The following HS6ST3 variants were observed in gnomAD, a reference collection of about 807,000 sequenced individuals.
The protein encoded by HS6ST3 is heparan sulfate 6-O-sulfotransferase 3.
A neutral mutation model predicts 36.7 loss-of-function variants in HS6ST3; 12 were observed. The observed-to-expected ratio is 0.33, with a 90% CI of 0.21 to 0.53. HS6ST3 has a LOEUF of 0.53. HS6ST3 is among the 20% of genes least tolerant of loss of function. HS6ST3 has a pLI of 0.95. For missense variants in HS6ST3, 584 were observed against 640.9 expected (o/e 0.91, Z 0.96); for synonymous variants, 240 against 257.5 (o/e 0.93, Z 0.65).
At chr13:96,696,257 T>G (rs1875124930) in intron 1 of HS6ST3, among the ~76,000 whole-genome samples, 1 of 152,164 alleles carries the variant, frequency 6.6e-6, no homozygotes, top group South Asian at 2.1e-4. Flanking sequence ...CAAGGGTGTC[T>G]TGGCTCTGCC....
intron 1 of HS6ST3, among the ~76,000 whole-genome samples, chr13:96,550,260 G>T (rs554184955): frequency 2.2e-4 from 33 of 152,088 alleles, no homozygotes; most frequent in African/African-American, 7.5e-4. Flanking sequence ...CTGTCAGTTC[G>T]TGGGAGCTGG....
At chr13:96,633,399 G>A (rs777558432) in intron 1 of HS6ST3, among the ~76,000 whole-genome samples, 1 of 152,168 alleles carries the variant, frequency 6.6e-6, no homozygotes, top group Non-Finnish European at 1.5e-5. Context: ...CTGATTAAGT[G>A]AATGCAGTAT....
At chr13:96,563,305 ATAAACT>A (rs943430965) in intron 1 of HS6ST3, among the ~76,000 whole-genome samples, 18 of 152,156 alleles carry the variant, frequency 1.2e-4, no homozygotes, top group African/African-American at 4.1e-4. Context: ...AAGGAGAGAA[ATAAACT>A]TAAAAAGAAA....
At chr13:96,613,091 T>G (rs540533600) in intron 1 of HS6ST3, among the ~76,000 whole-genome samples, 28 of 152,316 alleles carry the variant, frequency 1.8e-4, no homozygotes, top group Non-Finnish European at 3.5e-4. Context: ...ATAAATGATC[T>G]CCACACTCCA....
intron 1 of HS6ST3, among the ~76,000 whole-genome samples, chr13:96,198,662 G>T (rs978571017): frequency 2.0e-5 from 3 of 152,142 alleles, no homozygotes; most frequent in Admixed American, 6.5e-5. Flanking sequence ...CACCTTTACT[G>T]CAGTTCCCAA....
chr13:96,312,876 T>TG (rs762197300), intron 1 of HS6ST3, among the ~76,000 whole-genome samples: 1 of 135,598 alleles, frequency 7.4e-6, no homozygotes, highest in Non-Finnish European at 1.5e-5. Context: ...CGCTTGAACT[T>TG]GGGGGGCGGA....
chr13:96,726,987 CA>C (rs1876022142), intron 1 of HS6ST3, among the ~76,000 whole-genome samples: 1 of 152,140 alleles, frequency 6.6e-6, no homozygotes, highest in Non-Finnish European at 1.5e-5. Flanking sequence ...TGATATTAGG[CA>C]AGTTATCTAA....
At chr13:96,560,490 T>G (rs934764166) in intron 1 of HS6ST3, among the ~76,000 whole-genome samples, 2 of 152,046 alleles carry the variant, frequency 1.3e-5, no homozygotes, top group African/African-American at 4.8e-5. Flanking sequence ...CTCTCACCAT[T>G]CCTATTCAAC....
At chr13:96,724,993 A>G (rs1044871796) in intron 1 of HS6ST3, among the ~76,000 whole-genome samples, 32 of 152,292 alleles carry the variant, frequency 2.1e-4, no homozygotes, top group African/African-American at 7.7e-4. Flanking sequence ...CCAGCAGCAT[A>G]TGAGAGTTCC....
chr13:96,128,267 C>T (rs1269509654), intron 1 of HS6ST3, among the ~76,000 whole-genome samples: 4 of 152,080 alleles, frequency 2.6e-5, no homozygotes, highest in African/African-American at 4.8e-5. Flanking sequence ...ATAGAGTTGA[C>T]GTAGTGTTTG....
chr13:96,716,724 T>A (rs1188398543), intron 1 of HS6ST3, among the ~76,000 whole-genome samples: 2 of 152,228 alleles, frequency 1.3e-5, no homozygotes, highest in East Asian at 3.8e-4. Flanking sequence ...TATCTAAATA[T>A]ATGCCTATCT....
intron 1 of HS6ST3, among the ~76,000 whole-genome samples, chr13:96,230,161 A>G (rs956252007): frequency 2.0e-5 from 3 of 152,128 alleles, no homozygotes; most frequent in African/African-American, 7.2e-5. Flanking sequence ...TGAGTTGTTG[A>G]AGGACCCTGA....
intron 1 of HS6ST3, among the ~76,000 whole-genome samples, chr13:96,475,642 A>C (rs533076628): frequency 6.6e-6 from 1 of 151,972 alleles, no homozygotes; most frequent in Non-Finnish European, 1.5e-5. Context: ...AAAAGAAAGA[A>C]AATTGTCCTA....
At chr13:96,564,476 C>T (rs1389013977) in intron 1 of HS6ST3, among the ~76,000 whole-genome samples, 1 of 152,158 alleles carries the variant, frequency 6.6e-6, no homozygotes, top group Non-Finnish European at 1.5e-5. Flanking sequence ...TGGCACACTG[C>T]TTAAGCATCA....
At chr13:96,524,599 C>T (rs1594799739) in intron 1 of HS6ST3, among the ~76,000 whole-genome samples, 1 of 152,190 alleles carries the variant, frequency 6.6e-6, no homozygotes, top group Non-Finnish European at 1.5e-5. Context: ...GATGCCCCTT[C>T]CCCCACCAAG....
chr13:96,517,955 A>T (rs1399145957), intron 1 of HS6ST3, among the ~76,000 whole-genome samples: 1 of 152,166 alleles, frequency 6.6e-6, no homozygotes, highest in Non-Finnish European at 1.5e-5. Flanking sequence ...CATGGGATCA[A>T]CCTCAATGCC....
chr13:96,792,716 G>A (rs1218854969), intron 1 of HS6ST3, among the ~76,000 whole-genome samples: 3 of 151,988 alleles, frequency 2.0e-5, no homozygotes, highest in Non-Finnish European at 1.5e-5. Flanking sequence ...AAGTGCAGTA[G>A]GGGAAGTTTT....
intron 1 of HS6ST3, among the ~76,000 whole-genome samples, chr13:96,131,203 A>G (rs962294698): frequency 6.6e-6 from 1 of 152,158 alleles, no homozygotes; most frequent in Non-Finnish European, 1.5e-5. Flanking sequence ...TTTGAGCTGA[A>G]CTCAAAACAA....
At chr13:96,431,838 A>G (rs1454708524) in intron 1 of HS6ST3, among the ~76,000 whole-genome samples, 1 of 152,232 alleles carries the variant, frequency 6.6e-6, no homozygotes, top group Non-Finnish European at 1.5e-5. Context: ...TCAAAGCCCC[A>G]GCTCTTCAAA....
Sources: gnomAD v4.1 joint callset for allele counts (sites outside exome capture counted in the v4.1 genomes callset) on GRCh38, gnomAD v4.1.1 for gene constraint, MANE v1.5 for transcripts, NCBI Gene and HGNC (gene_info 2026-07-23, HGNC 2026-07-21) for gene names.